The following IDO2 variants were observed in gnomAD, a reference collection of about 807,000 sequenced individuals.
The protein encoded by IDO2 is indoleamine 2,3-dioxygenase 2.
Under a neutral mutation model 45.1 loss-of-function variants are expected in IDO2, and 46 were observed. That is an observed-to-expected ratio of 1.02 (90% confidence interval 0.80 to 1.30). The LOEUF is 1.30. Among genes scored for constraint, IDO2 ranks in the 50% most tolerant of loss-of-function variants. The probability of loss-of-function intolerance (pLI) is 0.00; values close to 1 mark genes in which losing one functional copy is unlikely to be tolerated. For missense variants in IDO2, 544 were observed against 491.8 expected, an observed-to-expected ratio of 1.11 and a Z score of -1.00; for synonymous variants, 218 against 184.9, an observed-to-expected ratio of 1.18 and a Z score of -1.45.
intron 3 of IDO2, among the ~76,000 whole-genome samples, chr8:39,970,573 G>A (rs1309406129): frequency 6.6e-6 from 1 of 152,042 alleles, no homozygotes; most frequent in African/African-American, 2.4e-5. Flanking sequence ...TGTATCTTTG[G>A]TAGAGACGGG....
chr8:40,001,245 AT>A (rs1187145007), intron 8 of IDO2, among the ~76,000 whole-genome samples: 4,618 of 94,326 alleles, frequency 0.049, 102 homozygotes, highest in African/African-American at 0.2. Context: ...GGCTTTCCTC[AT>A]TTTTTTTTTT....
At chr8:40,008,294 C>T (rs867604200) in intron 9 of IDO2, among the ~76,000 whole-genome samples, 1 of 152,138 alleles carries the variant, frequency 6.6e-6, no homozygotes, top group Non-Finnish European at 1.5e-5. Flanking sequence ...GATCCTCCCA[C>T]TTCAGCCTCC....
chr8:39,972,609 C>CA (rs35394460), intron 3 of IDO2, among the ~76,000 whole-genome samples: 2,186 of 34,500 alleles, frequency 0.063, 627 homozygotes, highest in African/African-American at 0.22. Context: ...GACTCCATCT[C>CA]AAAAAAAAAA....
chr8:39,960,567 T>G (rs1003912564), intron 2 of IDO2, among the ~76,000 whole-genome samples: 2 of 152,240 alleles, frequency 1.3e-5, no homozygotes, highest in African/African-American at 4.8e-5. Flanking sequence ...TTTCTCTATT[T>G]TCTAATTCCT....
At chr8:39,944,481 C>T (rs1404508157) in intron 1 of IDO2, among the ~76,000 whole-genome samples, 1 of 152,306 alleles carries the variant, frequency 6.6e-6, no homozygotes, top group Admixed American at 6.5e-5. Context: ...AGACAGACTC[C>T]ATCTTGGCTC....
intron 1 of IDO2, among the ~76,000 whole-genome samples, chr8:39,938,965 ACACTCATGC>A (rs1404966951): frequency 6.6e-6 from 1 of 152,214 alleles, no homozygotes; most frequent in Non-Finnish European, 1.5e-5. Flanking sequence ...GTAGAAATCC[ACACTCATGC>A]CGGGCACAGT....
At chr8:39,984,303 C>T (rs1252889087) in intron 5 of IDO2, among the ~76,000 whole-genome samples, 1 of 152,138 alleles carries the variant, frequency 6.6e-6, no homozygotes, top group African/African-American at 2.4e-5. Context: ...GGCCAAACCC[C>T]CTCTCTACTA....
At chr8:39,981,756 A>C (rs1045611232) in intron 4 of IDO2, among the ~76,000 whole-genome samples, 1 of 152,156 alleles carries the variant, frequency 6.6e-6, no homozygotes, top group Non-Finnish European at 1.5e-5. Context: ...GGGCATTCTT[A>C]ATGGATATTT....
At chr8:39,981,345 C>G (rs544255726) in intron 4 of IDO2, among the ~76,000 whole-genome samples, 2 of 152,296 alleles carry the variant, frequency 1.3e-5, no homozygotes, top group South Asian at 4.1e-4. Flanking sequence ...CAGGCGTGAG[C>G]CACCGTGCCC....
intron 10 of IDO2, among the ~76,000 whole-genome samples, chr8:40,014,578 C>CA: frequency 6.6e-6 from 1 of 152,312 alleles, no homozygotes; most frequent in Middle Eastern, 3.4e-3. Flanking sequence ...TTCAGCTAGT[C>CA]AGTTCAAGGG....
At chr8:39,975,875 A>C (rs1808252340) in intron 3 of IDO2, among the ~76,000 whole-genome samples, 1 of 152,124 alleles carries the variant, frequency 6.6e-6, no homozygotes, top group African/African-American at 2.4e-5. Context: ...AGATGCATCC[A>C]GTAATGATGA....
rs560515044 is a variant in IDO2 at position 40,005,349 on chromosome 8, T to G, written c.690T>G (p.Phe230Leu). Reference sequence around the variant, plus strand: ...CAGATTATGTAGATCCAGACATATTTTATGCAGGCATCCGGATCTTTCTCT... The same window carrying G: ...CAGATTATGTAGATCCAGACATATTGTATGCAGGCATCCGGATCTTTCTCT... Residue 230 changes from phenylalanine (F) to leucine (L), a missense_variant, in exon 9 of 11, where the codon TTT (phenylalanine) becomes TTG (leucine). Coordinates refer to ENST00000502986, the Ensembl canonical transcript of IDO2. 1.6e-5 allele frequency: 25 copies of G among 1,582,830 alleles called. No individual in the cohort carries two copies. The highest frequency in any genetic ancestry group is 2.2e-5 in the Non-Finnish European group (25 of 1,160,742).
At chr8:39,965,653 C>T (rs1316835810) in intron 3 of IDO2, among the ~76,000 whole-genome samples, 3 of 151,936 alleles carry the variant, frequency 2.0e-5, no homozygotes, top group Non-Finnish European at 4.4e-5. Context: ...TGAGGTGATA[C>T]TGGATTAAAT....
At chr8:39,936,353 A>G (rs1807550316) in intron 1 of IDO2, among the ~76,000 whole-genome samples, 1 of 152,222 alleles carries the variant, frequency 6.6e-6, no homozygotes, top group Non-Finnish European at 1.5e-5. Context: ...GAGAAATCTT[A>G]CACATGGAAA....
At chr8:39,949,422 A>G (rs1218643340) in intron 2 of IDO2, among the ~76,000 whole-genome samples, 158 bp downstream of exon 2, 1 of 152,232 alleles carries the variant, frequency 6.6e-6, no homozygotes, top group Admixed American at 6.5e-5. Flanking sequence ...TATCATTACT[A>G]TCAAAAGAGA....
At chr8:40,001,214 C>T (rs1802130744) in intron 8 of IDO2, among the ~76,000 whole-genome samples, 1 of 148,608 alleles carries the variant, frequency 6.7e-6, no homozygotes, top group Non-Finnish European at 1.5e-5. Context: ...ACCATTCGTG[C>T]CTATTTTCTG....
chr8:39,978,197 C>G (rs1013411964), intron 3 of IDO2, among the ~76,000 whole-genome samples: 2 of 152,230 alleles, frequency 1.3e-5, no homozygotes, highest in Non-Finnish European at 2.9e-5. Context: ...AGCCCCAGCT[C>G]TGTGCCCACG....
chr8:39,959,141 G>T (rs368905128), intron 2 of IDO2, among the ~76,000 whole-genome samples: 2 of 147,780 alleles, frequency 1.4e-5, no homozygotes, highest in African/African-American at 2.5e-5. Context: ...ACAGTGTCTC[G>T]CTCTGTCGCC....
At chr8:39,967,613 G>C (rs977641820) in intron 3 of IDO2, among the ~76,000 whole-genome samples, 5 of 151,950 alleles carry the variant, frequency 3.3e-5, no homozygotes, top group East Asian at 1.9e-4. Context: ...TCAGCTTCCC[G>C]AGTAGCTGGG....
Sources: gnomAD v4.1 joint callset for allele counts (sites outside exome capture counted in the v4.1 genomes callset) on GRCh38, gnomAD v4.1.1 for gene constraint, MANE v1.5 for transcripts, NCBI Gene and HGNC (gene_info 2026-07-23, HGNC 2026-07-21) for gene names.